MYH10: variants seen among roughly 807,000 people sequenced by gnomAD.
MYH10 encodes the protein myosin-10.
Under a neutral mutation model 257.8 loss-of-function variants are expected in MYH10, and 55 were observed. The ratio of observed to expected loss-of-function variants is 0.21; its 90% CI spans 0.17 to 0.27. MYH10 has a LOEUF of 0.27. Among genes scored for constraint, MYH10 ranks in the 10% least tolerant of loss-of-function variants. MYH10 has a pLI of 1.00. For synonymous variants in MYH10, 854 were observed against 921.7 expected (o/e 0.93, Z 1.33); for missense variants, 1,631 against 2,500.6 (o/e 0.65, Z 7.42).
rs549149418 is a variant in MYH10 at position 8,510,512 on chromosome 17, G to T, written c.2953-563C>A. Among the ~76,000 whole-genome samples the T allele has an allele frequency of 8.5e-5, 13 of 152,148 alleles. No homozygotes were observed. The South Asian group carries it at 1.2e-3, about 15-fold the overall frequency. ...GTCACAGATGCAATTTATATAAAAA[G>T]ACATACAGTGATAAGTTATTTATAA... On this transcript the variant is annotated intron_variant, in intron 24 of 42. Transcript: ENST00000360416.
At chr17:8,624,453 AAACC>A (rs2085593149) in intron 1 of MYH10, among the ~76,000 whole-genome samples, 1 of 152,212 alleles carries the variant, frequency 6.6e-6, no homozygotes, top group Non-Finnish European at 1.5e-5. Flanking sequence ...CACTTCATTC[AAACC>A]AACAGAAGAA....
intron 6 of MYH10, among the ~76,000 whole-genome samples, chr17:8,572,002 G>T (rs1379574124): frequency 1.3e-5 from 2 of 151,622 alleles, no homozygotes; most frequent in Admixed American, 6.6e-5. Context: ...ATTCTAGTAA[G>T]TGGGACATTA....
chr17:8,474,402 G>C lies in MYH10; in HGVS notation c.*1402C>G, dbSNP rs1912167849. 6.6e-6 allele frequency: 1 copy of C among 152,504 alleles called. No individual in the cohort carries two copies. The highest frequency in any genetic ancestry group is 1.5e-5 in the Non-Finnish European group (1 of 68,024). The allele number at this position is 152,504 out of a possible 1,614,324, so 9.4% of individuals were successfully genotyped here. Reference sequence around the variant, plus strand: ...TGTCTGGTGGTCAACAGCCAGTACAGTTCATAAAGGGGGAAAATCCAAGAT... The same window carrying C: ...TGTCTGGTGGTCAACAGCCAGTACACTTCATAAAGGGGGAAAATCCAAGAT... On this transcript the variant is annotated 3_prime_UTR_variant, in exon 43 of 43. Transcript: ENST00000360416.
At chr17:8,503,494 A>G (rs2080976585) in intron 28 of MYH10, among the ~76,000 whole-genome samples, 1 of 152,032 alleles carries the variant, frequency 6.6e-6, no homozygotes. Context: ...TCCAGCACGG[A>G]GAGCCTCCCC....
At chr17:8,603,169 T>G (rs1024553317) in intron 3 of MYH10, among the ~76,000 whole-genome samples, 1 of 152,200 alleles carries the variant, frequency 6.6e-6, no homozygotes, top group African/African-American at 2.4e-5. Flanking sequence ...TTAAATCCTG[T>G]TTCTTTTCAT....
intron 30 of MYH10, among the ~76,000 whole-genome samples, chr17:8,498,595 C>T (rs531873859): frequency 1.3e-5 from 2 of 152,150 alleles, no homozygotes; most frequent in Non-Finnish European, 2.9e-5. Flanking sequence ...GGCCTGTAAT[C>T]CCAGCACTTT....
intron 4 of MYH10, among the ~76,000 whole-genome samples, chr17:8,582,864 T>C (rs975149597): frequency 3.3e-5 from 5 of 152,258 alleles, no homozygotes; most frequent in African/African-American, 4.8e-5. Flanking sequence ...TTATTTTGTC[T>C]GGATATTTGT....
chr17:8,542,087 G>A lies in MYH10; in HGVS notation c.1605+20C>T. 3.8e-6 allele frequency: 6 copies of A among 1,591,826 alleles called. No homozygotes were observed. Among genetic ancestry groups the A allele is most frequent in the Non-Finnish European group, 5.1e-6 (6 of 1,166,208 alleles). ...GCTTGAGTGGAAAATGAAAGACAGC[G>A]AGCAAGTGAGCACTCTTACAGGTCT... On this transcript the variant is annotated intron_variant, in intron 14 of 42. Coordinates refer to ENST00000360416, the MANE Select transcript of MYH10 (RefSeq NM_001256012.3).
At position 8,499,459 on chromosome 17, in the gene MYH10, C is replaced by T. The variant is rs760156074; in HGVS notation, c.3762G>A (p.Glu1254=). 28 of 1,614,172 alleles carry T rather than the reference C, an allele frequency of 1.7e-5. No homozygotes were observed. The East Asian group carries it at 3.6e-4, about 21-fold the overall frequency. ...EQAKRFKANL[E]KNKQGLETDN... Reference sequence around the variant, plus strand: ...CTGTCTCCAGGCCCTGCTTGTTCTTCTCTAGATTTGCTTTGAACTAGGAGA... The same window carrying T: ...CTGTCTCCAGGCCCTGCTTGTTCTTTTCTAGATTTGCTTTGAACTAGGAGA... Residue 1254 remains glutamate (E), a synonymous_variant, in exon 30 of 43, where the codon GAG becomes GAA. Transcript: ENST00000360416.
intron 34 of MYH10, among the ~76,000 whole-genome samples, chr17:8,491,705 G>C (rs1262432078): frequency 6.6e-6 from 1 of 152,186 alleles, no homozygotes; most frequent in Non-Finnish European, 1.5e-5. Context: ...TACCAGGCCT[G>C]GGTTTGTTTT....
At chr17:8,625,092 T>C (rs1048263790) in intron 1 of MYH10, among the ~76,000 whole-genome samples, 2 of 151,456 alleles carry the variant, frequency 1.3e-5, no homozygotes, top group African/African-American at 4.9e-5. Context: ...CCACCAAAAA[T>C]AACAAAAAAT....
chr17:8,525,702 T>C (rs1319491239), intron 17 of MYH10, among the ~76,000 whole-genome samples: 1 of 152,200 alleles, frequency 6.6e-6, no homozygotes, highest in Non-Finnish European at 1.5e-5. Flanking sequence ...TAAATAGTCA[T>C]AATAATCCTG....
intron 6 of MYH10, among the ~76,000 whole-genome samples, chr17:8,576,140 G>A (rs1567926081): frequency 6.6e-6 from 1 of 152,124 alleles, no homozygotes; most frequent in Non-Finnish European, 1.5e-5. Context: ...ACTGTGCCCA[G>A]CTCTAATTTA....
intron 14 of MYH10, among the ~76,000 whole-genome samples, chr17:8,537,795 T>G (rs914456421): frequency 6.6e-6 from 1 of 152,212 alleles, no homozygotes; most frequent in Non-Finnish European, 1.5e-5. Context: ...CATTACTGTG[T>G]CTCCTTTTCA....
intron 2 of MYH10, among the ~76,000 whole-genome samples, chr17:8,612,853 TC>T (rs2085096621): frequency 6.9e-6 from 1 of 143,988 alleles, no homozygotes; most frequent in South Asian, 2.2e-4. Context: ...CTGTTCTGTC[TC>T]AAAAAAAAAA....
At chr17:8,518,313 T>C (rs550122090) in intron 21 of MYH10, among the ~76,000 whole-genome samples, 3 of 152,248 alleles carry the variant, frequency 2.0e-5, no homozygotes, top group Admixed American at 6.5e-5. Flanking sequence ...TTTGTATTTT[T>C]AGTAGAGATG....
chr17:8,545,540 C>T lies in MYH10; in HGVS notation c.1339G>A (p.Val447Ile), dbSNP rs1048485675. 11 of 1,614,004 alleles carry T rather than the reference C, an allele frequency of 6.8e-6. No homozygotes were observed. The highest frequency in any genetic ancestry group is 1.3e-5 in the African/African-American group (1 of 74,910). The change falls in exon 13 of 43, where the codon GTT (valine) becomes ATT (isoleucine). Residue 447 changes from valine (V) to isoleucine (I), a missense_variant. By Grantham distance (29) the Val-to-Ile change is conservative. This residue lies in a region of MYH10 where 360 missense variants were observed against 581.9 expected (regional missense o/e 0.62). Transcript: ENST00000360416. This position sits in a 1 kb window ranked among gnomAD's most constrained non-coding sequence, Gnocchi z 4.7. ...TCCAGAGCTTTATTGATGCGATGAA[C>T]GAGCCAGCGAAAGAGCCGCTCATAG... ...ATYERLFRWL[V>I]HRINKALDRT... is the part of the protein sequence containing the mutation.
intron 2 of MYH10, among the ~76,000 whole-genome samples, chr17:8,615,157 T>C (rs369290558): frequency 2.0e-5 from 3 of 152,000 alleles, no homozygotes; most frequent in African/African-American, 7.3e-5. Flanking sequence ...TAGCCGGGTG[T>C]GGTCCCAGCT....
At chr17:8,494,494 A>G (rs1472938287) in intron 31 of MYH10, among the ~76,000 whole-genome samples, 1 of 152,014 alleles carries the variant, frequency 6.6e-6, no homozygotes, top group Non-Finnish European at 1.5e-5. Context: ...TTTGGTAAAA[A>G]TGAACTTGTC....
Sources: allele counts gnomAD v4.1 joint callset (sites outside exome capture counted in the v4.1 genomes callset), GRCh38; gene constraint gnomAD v4.1.1; regional missense constraint gnomAD v4.1.1; non-coding constraint Gnocchi (gnomAD v3.1); transcripts MANE v1.5; gene names NCBI Gene and HGNC (gene_info 2026-07-23, HGNC 2026-07-21).